The following FSTL5 variants were observed in gnomAD, a reference collection of about 807,000 sequenced individuals.
The protein encoded by FSTL5 is follistatin like 5.
In FSTL5, 62 loss-of-function variants were observed where a neutral mutation model predicts 89.1. The observed-to-expected ratio is 0.70, with a 90% confidence interval of 0.57 to 0.86. The LOEUF (loss-of-function observed/expected upper bound fraction) is 0.86. Ranked by LOEUF, FSTL5 falls within the 40% of genes least tolerant of loss-of-function variation. The probability of loss-of-function intolerance (pLI) is 0.00; values close to 1 mark genes in which losing one functional copy is unlikely to be tolerated. For synonymous variants in FSTL5, 383 were observed against 346.2 expected (o/e 1.11, Z -1.18); for missense variants, 1,057 against 1,001.6 (o/e 1.06, Z -0.75).
intron 8 of FSTL5, among the ~76,000 whole-genome samples, chr4:161,548,249 C>T (rs1169161753): frequency 6.6e-6 from 1 of 151,812 alleles, no homozygotes; most frequent in South Asian, 2.1e-4. Flanking sequence ...ATATTGATTA[C>T]TTAGTATCTG....
At chr4:162,097,974 T>A (rs1284847188) in intron 2 of FSTL5, among the ~76,000 whole-genome samples, 1 of 151,860 alleles carries the variant, frequency 6.6e-6, no homozygotes, top group East Asian at 1.9e-4. Flanking sequence ...CAAGGGAAAC[T>A]GAAATAATCA....
In FSTL5 at chr4:161,384,952, C is replaced by T. The variant is rs1730561984; in HGVS notation, c.*795G>A. The T allele has an allele frequency of 1.3e-5, 2 of 152,240 alleles. No homozygotes were observed. The highest frequency in any genetic ancestry group is 4.1e-4 in the South Asian group (2 of 4,824). 9.4% of individuals were successfully genotyped at this position (152,240 alleles called of 1,614,324 possible). On this transcript the variant is annotated 3_prime_UTR_variant, in exon 16 of 16. Transcript: ENST00000306100. ...GCAGTTGACATCCCAGACAAACTTG[C>T]ATTAAAAACATAATGCACTCTAGTG...
chr4:161,469,706 C>T (rs996023083), intron 13 of FSTL5, among the ~76,000 whole-genome samples: 3 of 151,146 alleles, frequency 2.0e-5, no homozygotes, highest in Middle Eastern at 3.4e-3. Context: ...GGTGCCATCT[C>T]GGCTCACTGG....
At chr4:161,938,575 G>A (rs1734494714) in intron 3 of FSTL5, among the ~76,000 whole-genome samples, 2 of 151,908 alleles carry the variant, frequency 1.3e-5, no homozygotes, top group South Asian at 4.1e-4. Flanking sequence ...CATCTTTTTT[G>A]TATGATGGTT....
chr4:161,836,980 G>T (rs117978160), intron 4 of FSTL5, among the ~76,000 whole-genome samples: 5,270 of 152,138 alleles, frequency 0.035, 177 homozygotes, highest in East Asian at 0.15. Flanking sequence ...TGTTGAGTTT[G>T]AGACATCTAT....
At chr4:161,799,581 T>A (rs1413035368) in intron 4 of FSTL5, among the ~76,000 whole-genome samples, 1 of 151,762 alleles carries the variant, frequency 6.6e-6, no homozygotes, top group Non-Finnish European at 1.5e-5. Flanking sequence ...TAAAGTACTA[T>A]ATGACTTGCT....
At chr4:161,860,087 G>A (rs1318825038) in intron 4 of FSTL5, among the ~76,000 whole-genome samples, 1 of 152,084 alleles carries the variant, frequency 6.6e-6, no homozygotes, top group Non-Finnish European at 1.5e-5. Context: ...AGGAGATCTA[G>A]ACCATCCTGG....
chr4:161,515,388 G>A lies in FSTL5; in HGVS notation c.1313-4964C>T, dbSNP rs1439927840. On this transcript the variant is annotated intron_variant, in intron 10 of 15. Transcript: ENST00000306100. ...ATTTTTTGTTGTTGTTGTATTTTTA[G>A]TAGAGATGGCATTTCACCATGTTGT... is the stretch of plus-strand genomic sequence containing the variant. Among the ~76,000 whole-genome samples the A allele has an allele frequency of 3.3e-5, 5 of 151,930 alleles. 1 individual carries two copies. In the South Asian group the frequency reaches 6.2e-4, roughly 19 times the overall value.
chr4:162,019,408 GT>G (rs1393205238), intron 3 of FSTL5, among the ~76,000 whole-genome samples: 25 of 151,844 alleles, frequency 1.6e-4, no homozygotes. Flanking sequence ...ATGCTACATT[GT>G]TTTTCTGGAT....
chr4:161,926,831 T>C (rs1734141158), intron 3 of FSTL5, among the ~76,000 whole-genome samples: 1 of 151,954 alleles, frequency 6.6e-6, no homozygotes, highest in East Asian at 1.9e-4. Flanking sequence ...TACTTATCAT[T>C]ATACACTTTG....
chr4:161,492,609 T>C (rs920732100), intron 12 of FSTL5, among the ~76,000 whole-genome samples: 6 of 152,120 alleles, frequency 3.9e-5, no homozygotes, highest in Non-Finnish European at 5.9e-5. Flanking sequence ...TAGAGAAATA[T>C]TGACTCTGCC....
At chr4:161,820,698 G>A (rs68157958) in intron 4 of FSTL5, among the ~76,000 whole-genome samples, 31,588 of 151,990 alleles carry the variant, frequency 0.21, 3,420 homozygotes, top group East Asian at 0.3. Flanking sequence ...CAGATGAGCA[G>A]GGGAGACTTT....
intron 7 of FSTL5, among the ~76,000 whole-genome samples, chr4:161,616,967 G>A (rs947568774): frequency 1.3e-5 from 2 of 150,812 alleles, no homozygotes; most frequent in Non-Finnish European, 2.9e-5. Flanking sequence ...AGGAAAATGT[G>A]TGCAAACTCA....
intron 3 of FSTL5, among the ~76,000 whole-genome samples, chr4:161,956,700 G>A (rs2110968136): frequency 6.6e-6 from 1 of 152,038 alleles, no homozygotes; most frequent in East Asian, 1.9e-4. Context: ...TAGAGGAAGA[G>A]ACACGGGTTA....
In FSTL5 at chr4:161,449,361, TG is replaced by T. The variant is rs148985683; in HGVS notation, c.1841+5642del. On this transcript the variant is annotated intron_variant, in intron 15 of 15. Transcript: ENST00000306100. ...CAAGAAATAAGAGCAATTTAAAGATTGATTTCTATAAAAATATAACTCAAAA... is the reference window on the plus strand; with the variant it reads ...CAAGAAATAAGAGCAATTTAAAGATTATTTCTATAAAAATATAACTCAAAA... 3.9e-3 allele frequency among the ~76,000 whole-genome samples: 596 copies of T among 152,324 alleles called. 9 individuals are homozygous for T. The South Asian group carries it at 0.045, about 12-fold the overall frequency.
rs62331321 is a variant in FSTL5 at position 162,159,630 on chromosome 4, C to A, written c.-17+3985G>T. 9.2e-5 allele frequency among the ~76,000 whole-genome samples: 14 copies of A among 151,738 alleles called. 1 individual carries two copies. In the East Asian group the frequency reaches 2.3e-3, roughly 25 times the overall value. On this transcript the variant is annotated intron_variant, in intron 1 of 15. Coordinates refer to ENST00000306100, the MANE Select transcript of FSTL5 (RefSeq NM_020116.5). ...ACACAAGGAATAAAAATATGTTATG[C>A]GCAGGGATATCCAGGCTGTGTTCTA... is the stretch of plus-strand genomic sequence containing the variant.
intron 4 of FSTL5, among the ~76,000 whole-genome samples, chr4:161,893,986 T>C (rs935413214): frequency 6.6e-6 from 1 of 152,218 alleles, no homozygotes; most frequent in African/African-American, 2.4e-5. Context: ...ACCTGGAATT[T>C]TGCCCATTGT....
At chr4:161,454,025 C>A (rs1733264325) in intron 15 of FSTL5, among the ~76,000 whole-genome samples, 1 of 152,146 alleles carries the variant, frequency 6.6e-6, no homozygotes, top group South Asian at 2.1e-4. Context: ...TTTATTCTAT[C>A]TTTGACTATG....
chr4:161,776,630 G>T (rs573777320), intron 4 of FSTL5, among the ~76,000 whole-genome samples: 163 of 148,842 alleles, frequency 1.1e-3, no homozygotes, highest in Non-Finnish European at 2.0e-3. Context: ...TAGACATTTG[G>T]ATTTGCATTG....
Sources: gnomAD v4.1 joint callset for allele counts (sites outside exome capture counted in the v4.1 genomes callset) on GRCh38, gnomAD v4.1.1 for gene constraint, MANE v1.5 for transcripts, NCBI Gene and HGNC (gene_info 2026-07-23, HGNC 2026-07-21) for gene names.